PHACTR1: variants seen among roughly 807,000 people sequenced by gnomAD.
The protein encoded by PHACTR1 is phosphatase and actin regulator 1.
A neutral mutation model predicts 69.2 loss-of-function variants in PHACTR1; 16 were observed. The ratio of observed to expected loss-of-function variants is 0.23; its 90% CI spans 0.16 to 0.35. PHACTR1 has a LOEUF of 0.35. Ranked by LOEUF, PHACTR1 falls within the 10% of genes least tolerant of loss-of-function variation. The pLI is 1.00. For missense variants in PHACTR1, 510 were observed against 734.7 expected (o/e 0.69, Z 3.54); for synonymous variants, 312 against 284.5 (o/e 1.10, Z -0.97).
At chr6:12,779,822 A>G (rs1770588333) in intron 4 of PHACTR1, among the ~76,000 whole-genome samples, 1 of 152,162 alleles carries the variant, frequency 6.6e-6, no homozygotes, top group African/African-American at 2.4e-5. Context: ...TGCTTACTAT[A>G]TATATATATG....
intron 5 of PHACTR1, among the ~76,000 whole-genome samples, chr6:13,060,100 A>C (rs1807454795): frequency 6.6e-6 from 1 of 152,180 alleles, no homozygotes; most frequent in Admixed American, 6.5e-5. Context: ...GATGTGGTGG[A>C]CACCAAGAAC....
intron 6 of PHACTR1, among the ~76,000 whole-genome samples, chr6:13,181,255 TTAAAC>T (rs1762144853): frequency 6.6e-6 from 1 of 152,140 alleles, no homozygotes; most frequent in Non-Finnish European, 1.5e-5. Context: ...ATTTATAAAA[TTAAAC>T]TAGAGGTGGA....
chr6:12,745,130 G>C (rs1047434563), intron 3 of PHACTR1, among the ~76,000 whole-genome samples: 1 of 152,082 alleles, frequency 6.6e-6, no homozygotes, highest in African/African-American at 2.4e-5. Context: ...AAAGGGTAAG[G>C]TTTACTTACT....
chr6:12,843,818 C>T (rs544587569), intron 4 of PHACTR1, among the ~76,000 whole-genome samples: 48 of 152,302 alleles, frequency 3.2e-4, no homozygotes, highest in African/African-American at 1.1e-3. Flanking sequence ...GTTCCCTTTA[C>T]TCTTCACTGA....
At chr6:12,847,636 G>A (rs1779420878) in intron 4 of PHACTR1, among the ~76,000 whole-genome samples, 1 of 151,894 alleles carries the variant, frequency 6.6e-6, no homozygotes, top group South Asian at 2.1e-4. Flanking sequence ...AATGAGAACA[G>A]CAGCTTGCAG....
chr6:12,983,710 C>T (rs984645597), intron 4 of PHACTR1, among the ~76,000 whole-genome samples: 8 of 152,146 alleles, frequency 5.3e-5, no homozygotes, highest in Non-Finnish European at 8.8e-5. Flanking sequence ...CGCCACCCCA[C>T]GACAGACCCT....
At chr6:13,089,183 C>T (rs372059338) in intron 5 of PHACTR1, among the ~76,000 whole-genome samples, 17 of 152,268 alleles carry the variant, frequency 1.1e-4, no homozygotes, top group African/African-American at 3.9e-4. Flanking sequence ...TCTCTTCCTG[C>T]CCTGGGCCCA....
At chr6:13,186,786 G>C (rs1762875941) in intron 7 of PHACTR1, among the ~76,000 whole-genome samples, 1 of 152,150 alleles carries the variant, frequency 6.6e-6, no homozygotes, top group African/African-American at 2.4e-5. Context: ...GGTGGGGCGG[G>C]AGAGATTATT....
chr6:13,228,092 G>C (rs776427073), intron 9 of PHACTR1, 29 bp downstream of exon 9: 3 of 1,594,156 alleles, frequency 1.9e-6, no homozygotes, highest in African/African-American at 2.7e-5. Context: ...ATCACCAGGG[G>C]TGGGGAAGCA....
chr6:13,226,844 T>A (rs1305132467), intron 8 of PHACTR1, among the ~76,000 whole-genome samples: 1 of 151,884 alleles, frequency 6.6e-6, no homozygotes, highest in Non-Finnish European at 1.5e-5. Context: ...CTCAAGCGAT[T>A]CTCCTGCCTC....
chr6:12,817,960 A>C (rs1330325717), intron 4 of PHACTR1, among the ~76,000 whole-genome samples: 1 of 151,656 alleles, frequency 6.6e-6, no homozygotes, highest in African/African-American at 2.4e-5. Context: ...AGTAGCTGGG[A>C]CTACAGGCGC....
chr6:12,745,880 G>T (rs1005181168), intron 3 of PHACTR1, among the ~76,000 whole-genome samples: 2 of 152,128 alleles, frequency 1.3e-5, no homozygotes, highest in African/African-American at 4.8e-5. Flanking sequence ...GTGTCACTTG[G>T]GTGGGGTAGT....
chr6:12,729,659 G>T (rs1225878796), intron 3 of PHACTR1, among the ~76,000 whole-genome samples: 1 of 152,134 alleles, frequency 6.6e-6, no homozygotes, highest in African/African-American at 2.4e-5. Context: ...CTAAAGCAGC[G>T]AATACAGAGG....
At chr6:12,776,284 G>C (rs1414775331) in intron 4 of PHACTR1, among the ~76,000 whole-genome samples, 3 of 152,080 alleles carry the variant, frequency 2.0e-5, no homozygotes, top group Non-Finnish European at 2.9e-5. Flanking sequence ...ATTTTTTTCT[G>C]TTGTCTTAAC....
intron 10 of PHACTR1, among the ~76,000 whole-genome samples, chr6:13,250,840 T>C (rs595864): frequency 0.16 from 23,642 of 152,142 alleles, 2,453 homozygotes; most frequent in Admixed American, 0.27. Context: ...AGACAGGTGG[T>C]GCACAAATGG....
intron 5 of PHACTR1, among the ~76,000 whole-genome samples, chr6:13,112,287 G>A (rs934494258): frequency 1.1e-4 from 16 of 152,240 alleles, no homozygotes; most frequent in Admixed American, 3.3e-4. Flanking sequence ...ATTGATGAGC[G>A]TTTAGGTTGA....
At chr6:12,824,447 T>A (rs1184085944) in intron 4 of PHACTR1, among the ~76,000 whole-genome samples, 2 of 152,226 alleles carry the variant, frequency 1.3e-5, no homozygotes, top group Non-Finnish European at 2.9e-5. Flanking sequence ...TCCACGAAAC[T>A]GGTCCCTGGT....
At chr6:13,073,158 G>A (rs535539968) in intron 5 of PHACTR1, among the ~76,000 whole-genome samples, 55 of 144,342 alleles carry the variant, frequency 3.8e-4, no homozygotes, top group African/African-American at 1.6e-3. Context: ...GAAGATCTCC[G>A]GATCATAAAC....
chr6:13,029,927 C>T (rs1802219291), intron 4 of PHACTR1, among the ~76,000 whole-genome samples: 1 of 152,196 alleles, frequency 6.6e-6, no homozygotes, highest in South Asian at 2.1e-4. Flanking sequence ...CAGGCACAGA[C>T]CCCAGATGTG....
Sources: gnomAD v4.1 joint callset for allele counts (sites outside exome capture counted in the v4.1 genomes callset) on GRCh38, gnomAD v4.1.1 for gene constraint, MANE v1.5 for transcripts, NCBI Gene and HGNC (gene_info 2026-07-23, HGNC 2026-07-21) for gene names.